DPP10: variants seen among roughly 807,000 people sequenced by gnomAD.
DPP10 encodes dipeptidyl peptidase like 10.
A neutral mutation model predicts 120.9 loss-of-function variants in DPP10; 33 were observed. The observed-to-expected ratio is 0.27, with a 90% CI of 0.21 to 0.37. The LOEUF is 0.37. Ranked by LOEUF, DPP10 falls within the 10% of genes least tolerant of loss-of-function variation. DPP10 has a pLI of 1.00. For missense variants in DPP10, 816 were observed against 942.8 expected (o/e 0.87, Z 1.76); for synonymous variants, 337 against 326.1 (o/e 1.03, Z -0.36).
chr2:114,936,055 T>C (rs1442337167), intron 1 of DPP10, among the ~76,000 whole-genome samples: 3 of 152,084 alleles, frequency 2.0e-5, no homozygotes, highest in Admixed American at 6.6e-5. Context: ...ATAAGTTCTT[T>C]AGCGGTGATT....
At position 115,647,854 on chromosome 2, in the gene DPP10, T is replaced by C. The variant is rs561380891; in HGVS notation, c.442-41833T>C. Among the ~76,000 whole-genome samples, 15 of 152,266 alleles carry C rather than the reference T, an allele frequency of 9.9e-5. No individual in the cohort carries two copies. In the South Asian group the frequency reaches 3.1e-3, roughly 32 times the overall value. On this transcript the variant is annotated intron_variant, in intron 5 of 25. Coordinates refer to ENST00000410059, the MANE Select transcript of DPP10 (RefSeq NM_020868.6). ...CAACAGCTCTCATTGCTTAAGCATT[T>C]CTTAAAGGCTTCCCTTCTTAATGCT...
chr2:115,637,662 G>A (rs1045207962), intron 5 of DPP10, among the ~76,000 whole-genome samples: 2 of 152,092 alleles, frequency 1.3e-5, no homozygotes, highest in African/African-American at 4.8e-5. Flanking sequence ...AACTCTTATT[G>A]AATTTATGAG....
At chr2:115,184,006 GT>G (rs1422395240) in intron 1 of DPP10, among the ~76,000 whole-genome samples, 1 of 152,084 alleles carries the variant, frequency 6.6e-6, no homozygotes, top group Admixed American at 6.6e-5. Context: ...AGGCCAGAGT[GT>G]TTTGTTTGCA....
In DPP10 at chr2:114,989,707, G is replaced by A. The variant is rs553708067; in HGVS notation, c.61-319532G>A. On this transcript the variant is annotated intron_variant, in intron 1 of 25. Coordinates refer to ENST00000410059, the MANE Select transcript of DPP10 (RefSeq NM_020868.6). ...GGGGAGATTACTTTGAAGGTGGTTC[G>A]TTATCTAAATCATAATCACAATTAA... is the stretch of plus-strand genomic sequence containing the variant. Among the ~76,000 whole-genome samples, 5 of 152,270 alleles carry A rather than the reference G, an allele frequency of 3.3e-5. No homozygotes were observed. In the East Asian group the frequency reaches 5.8e-4, roughly 18 times the overall value.
At chr2:114,997,424 G>A (rs1207804018) in intron 1 of DPP10, among the ~76,000 whole-genome samples, 8 of 151,498 alleles carry the variant, frequency 5.3e-5, no homozygotes, top group African/African-American at 1.5e-4. Flanking sequence ...CCCAGGAGGC[G>A]GAGGTTGCAG....
chr2:114,831,850 T>TAA (rs34281601), intron 1 of DPP10, among the ~76,000 whole-genome samples: 5,551 of 105,188 alleles, frequency 0.053, 136 homozygotes, highest in East Asian at 0.15. Flanking sequence ...TCTCTTTAAT[T>TAA]AAAAAAAATA....
chr2:114,908,697 G>A (rs906992834), intron 1 of DPP10, among the ~76,000 whole-genome samples: 3 of 151,538 alleles, frequency 2.0e-5, no homozygotes, highest in East Asian at 1.9e-4. Context: ...TTAAAAATCT[G>A]GAATGAATAT....
At chr2:115,208,204 T>C (rs1289010676) in intron 1 of DPP10, among the ~76,000 whole-genome samples, 62 of 138,206 alleles carry the variant, frequency 4.5e-4, no homozygotes, top group East Asian at 9.7e-4. Context: ...TTTTTTTTTT[T>C]CTTTTTTTTT....
chr2:114,869,153 A>T (rs114966232), intron 1 of DPP10, among the ~76,000 whole-genome samples: 1 of 152,260 alleles, frequency 6.6e-6, no homozygotes, highest in African/African-American at 2.4e-5. Flanking sequence ...AAAATATGCA[A>T]TTGGGAATTA....
chr2:115,112,628 C>G (rs1437724067), intron 1 of DPP10, among the ~76,000 whole-genome samples: 1 of 152,150 alleles, frequency 6.6e-6, no homozygotes, highest in East Asian at 1.9e-4. Context: ...ATACATACTG[C>G]ATGATCTCAC....
At chr2:114,915,001 G>A (rs1694670472) in intron 1 of DPP10, among the ~76,000 whole-genome samples, 1 of 152,146 alleles carries the variant, frequency 6.6e-6, no homozygotes, top group African/African-American at 2.4e-5. Context: ...CGTAGTGGTG[G>A]GCGCCTGTAG....
intron 1 of DPP10, among the ~76,000 whole-genome samples, chr2:115,291,342 C>T (rs1028025253): frequency 6.6e-5 from 10 of 151,916 alleles, no homozygotes; most frequent in East Asian, 1.9e-4. Context: ...CCCTGTTTCC[C>T]GGACTAAATA....
At chr2:114,827,459 C>A (rs1250242012) in intron 1 of DPP10, among the ~76,000 whole-genome samples, 1 of 152,064 alleles carries the variant, frequency 6.6e-6, no homozygotes, top group African/African-American at 2.4e-5. Context: ...GACAAGACCA[C>A]AACTGCAGCT....
At position 115,595,274 on chromosome 2, in the gene DPP10, T is replaced by TA. The variant is rs1014378440; in HGVS notation, c.441+69310dup. On this transcript the variant is annotated intron_variant, in intron 5 of 25. Transcript: ENST00000410059. ...TTTTTTTGCAGTTTACTCAACAGGT[T>TA]AAAAAAAATCTGTTACTATCTCTTA... 1.2e-4 allele frequency among the ~76,000 whole-genome samples: 19 copies of TA among 152,030 alleles called. 1 individual carries two copies. The East Asian group carries it at 1.4e-3, about 11-fold the overall frequency.
intron 5 of DPP10, among the ~76,000 whole-genome samples, chr2:115,677,452 T>C (rs988797104): frequency 6.7e-6 from 1 of 150,046 alleles, no homozygotes; most frequent in Non-Finnish European, 1.5e-5. Flanking sequence ...GTAAATGATT[T>C]AAATTCCCCA....
At chr2:115,660,645 CTCTG>C (rs1196283679) in intron 5 of DPP10, among the ~76,000 whole-genome samples, 5 of 77,378 alleles carry the variant, frequency 6.5e-5, no homozygotes, top group Non-Finnish European at 1.1e-4. Context: ...CTTTCATTCT[CTCTG>C]TCTGGCTTTT....
intron 1 of DPP10, among the ~76,000 whole-genome samples, chr2:114,795,052 A>T (rs1294641865): frequency 1.3e-5 from 2 of 152,164 alleles, no homozygotes; most frequent in Non-Finnish European, 2.9e-5. Context: ...CAGGGTCATG[A>T]CTTGAAATTT....
intron 1 of DPP10, among the ~76,000 whole-genome samples, chr2:114,954,080 CTTT>C (rs66485866): frequency 2.5e-5 from 3 of 122,068 alleles, no homozygotes; most frequent in Admixed American, 9.0e-5. Context: ...TTAAGAAGTC[CTTT>C]TTTTTTTTTT....
intron 5 of DPP10, among the ~76,000 whole-genome samples, chr2:115,625,562 G>T (rs2085294521): frequency 6.6e-6 from 1 of 151,980 alleles, no homozygotes; most frequent in African/African-American, 2.4e-5. Flanking sequence ...GTTGATAAAA[G>T]GATTAAGACA....
Sources: allele counts gnomAD v4.1 joint callset (sites outside exome capture counted in the v4.1 genomes callset), GRCh38; gene constraint gnomAD v4.1.1; transcripts MANE v1.5; gene names NCBI Gene and HGNC (gene_info 2026-07-23, HGNC 2026-07-21).